Variants in CLEC1A observed in about 807,000 individuals in gnomAD.
CLEC1A encodes the protein C-type lectin-like receptor-1.
A neutral mutation model predicts 28.7 loss-of-function variants in CLEC1A; 34 were observed. That is an observed-to-expected ratio of 1.18 (90% CI 0.90 to 1.57). The LOEUF is 1.57. Ranked by LOEUF, CLEC1A falls within the 40% of genes most tolerant of loss-of-function variation. The pLI is 0.00. For missense variants in CLEC1A, 385 were observed against 339.5 expected, an observed-to-expected ratio of 1.13 and a Z score of -1.05; for synonymous variants, 116 against 121.0, an observed-to-expected ratio of 0.96 and a Z score of 0.27.
intron 3 of CLEC1A, among the ~76,000 whole-genome samples, chr12:10,079,201 G>C (rs1866315083): frequency 6.6e-6 from 1 of 152,158 alleles, no homozygotes; most frequent in African/African-American, 2.4e-5. Flanking sequence ...ATATGCATCA[G>C]TAGGCATTCA....
chr12:10,086,416 T>C lies in CLEC1A; in HGVS notation c.214+2708A>G, dbSNP rs1339006185. Among the ~76,000 whole-genome samples the C allele has an allele frequency of 8.1e-5, 12 of 148,838 alleles. No individual in the cohort carries two copies. In the East Asian group the frequency reaches 2.3e-3, roughly 29 times the overall value. ...GATAAATGAAATAAAAAACTGGTTA[T>C]TTGAAAAGATAAATAAAATCAATAG... On this transcript the variant is annotated intron_variant, in intron 2 of 5. Coordinates refer to ENST00000315330, the MANE Select transcript of CLEC1A (RefSeq NM_016511.4).
At chr12:10,095,562 AAG>A (rs1285849496) in intron 1 of CLEC1A, among the ~76,000 whole-genome samples, 3 of 152,220 alleles carry the variant, frequency 2.0e-5, no homozygotes, top group Non-Finnish European at 4.4e-5. Context: ...GAGAAAGAAA[AAG>A]AGAAAATGAC....
At chr12:10,075,440 T>TAAAA in intron 4 of CLEC1A, 64 bp downstream of exon 4, 4 of 1,542,690 alleles carry the variant, frequency 2.6e-6, no homozygotes, top group Admixed American at 1.8e-5. Flanking sequence ...AGAGTCTTCT[T>TAAAA]GCCTAATGCT....
At chr12:10,075,701 C>G in intron 3 of CLEC1A, 46 bp from the exon 4 acceptor site, 1 of 1,563,632 alleles carries the variant, frequency 6.4e-7, no homozygotes, top group South Asian at 1.2e-5. Context: ...ATGAGTCTGT[C>G]TTGCTCCTCT....
In CLEC1A at chr12:10,081,363, T is replaced by C; in HGVS notation, c.265A>G (p.Met89Val). Residue 89 changes from methionine (M) to valine (V), a missense_variant, in exon 3 of 6, where the codon ATG becomes GTG. Coordinates refer to ENST00000315330, the MANE Select transcript of CLEC1A (RefSeq NM_016511.4). ...SNTGQDTISQMEERLGNTSQE... is the reference protein window; with the variant it reads ...SNTGQDTISQVEERLGNTSQE... ...GACGTATTTCCTAATCTTTCTTCCA[T>C]TTGAGAAATGGTGTCTTGACCAGTA... The C allele has an allele frequency of 1.9e-6, 3 of 1,613,160 alleles. No homozygotes were observed. Among genetic ancestry groups the C allele is most frequent in the South Asian group, 1.1e-5 (1 of 90,914 alleles).
chr12:10,089,662 G>A (rs1866572497), intron 1 of CLEC1A, among the ~76,000 whole-genome samples: 1 of 151,856 alleles, frequency 6.6e-6, no homozygotes, highest in South Asian at 2.1e-4. Flanking sequence ...TGTTACTTTT[G>A]AAAAACATCC....
chr12:10,074,236 C>T (rs1285004311), intron 4 of CLEC1A, among the ~76,000 whole-genome samples: 5 of 151,988 alleles, frequency 3.3e-5, no homozygotes, highest in East Asian at 1.9e-4. Flanking sequence ...TTCTCAAGGC[C>T]GTACACTTTG....
intron 3 of CLEC1A, among the ~76,000 whole-genome samples, chr12:10,076,788 A>G (rs1398578135): frequency 6.6e-6 from 1 of 152,220 alleles, no homozygotes; most frequent in Non-Finnish European, 1.5e-5. Context: ...CGTTTCAACT[A>G]TGGTCCCTGT....
intron 1 of CLEC1A, chr12:10,092,405 G>C: frequency 2.6e-6 from 1 of 379,436 alleles, no homozygotes; most frequent in South Asian, 1.9e-5. Flanking sequence ...AAATTCATCA[G>C]CCATGGTGGC....
chr12:10,089,270 G>T, intron 1 of CLEC1A, 48 bp from the exon 2 acceptor site: 3 of 1,482,382 alleles, frequency 2.0e-6, no homozygotes, highest in South Asian at 1.1e-5. Context: ...TCTTCCTCTT[G>T]CATCTAAGTC....
intron 1 of CLEC1A, among the ~76,000 whole-genome samples, chr12:10,093,282 C>T (rs1472056557): frequency 2.7e-5 from 4 of 149,814 alleles, no homozygotes; most frequent in African/African-American, 7.4e-5. Flanking sequence ...GGAAGAGAAC[C>T]CCTTTGCTGT....
intron 4 of CLEC1A, 75 bp from the exon 5 acceptor site, chr12:10,073,486 C>T: frequency 1.9e-6 from 2 of 1,053,162 alleles, no homozygotes; most frequent in Non-Finnish European, 2.9e-6. Flanking sequence ...CATGGGCCAG[C>T]CAGCACTTTT....
chr12:10,075,457 G>A, intron 4 of CLEC1A, 47 bp downstream of exon 4: 2 of 1,592,996 alleles, frequency 1.3e-6, no homozygotes, highest in Non-Finnish European at 1.7e-6. Context: ...TGCTTTTAAG[G>A]CCTCTTTTTG....
chr12:10,087,522 GTTT>G (rs1265898724), intron 2 of CLEC1A, among the ~76,000 whole-genome samples: 2 of 37,608 alleles, frequency 5.3e-5, no homozygotes, highest in Non-Finnish European at 1.3e-4. Flanking sequence ...ATATATATTT[GTTT>G]TTTTTTTTTT....
chr12:10,076,727 A>G (rs16910052), intron 3 of CLEC1A, among the ~76,000 whole-genome samples: 4,452 of 152,292 alleles, frequency 0.029, 204 homozygotes, highest in African/African-American at 0.1. Flanking sequence ...CGTAAAAAAC[A>G]GAGTCCAGTT....
intron 1 of CLEC1A, among the ~76,000 whole-genome samples, chr12:10,090,816 C>CT (rs146209481): frequency 0.096 from 6,250 of 65,180 alleles, 138 homozygotes; most frequent in Non-Finnish European, 0.14. Context: ...CAGATTGCTC[C>CT]TTTTTTTAAA....
At chr12:10,090,072 TGCA>T (rs1221371954) in intron 1 of CLEC1A, among the ~76,000 whole-genome samples, 1 of 152,180 alleles carries the variant, frequency 6.6e-6, no homozygotes, top group Non-Finnish European at 1.5e-5. Flanking sequence ...CTCAGTCAGG[TGCA>T]GGTAGCATCT....
chr12:10,085,536 T>TAAAAAAAAAAAAAAAAAAAGAAAAAAAAA (rs1866473815), intron 2 of CLEC1A, among the ~76,000 whole-genome samples: 1 of 128,748 alleles, frequency 7.8e-6, no homozygotes, highest in African/African-American at 2.8e-5. Context: ...GCAAAAACAG[T>TAAAAAAAAAAAAAAAAAAAGAAAAAAAAA]AAAAAAAAAA....
rs779048525 is a variant in CLEC1A at position 10,071,344 on chromosome 12, C to A, written c.832G>T (p.Glu278Ter). The A allele has an allele frequency of 2.5e-6, 4 of 1,613,288 alleles. No homozygotes were observed. In the East Asian group the frequency reaches 8.9e-5, roughly 36 times the overall value. ...TTGCAGAGGGCGAATCAGTCACCTTCGCCTAATGTTTCAGGGGGGACATGG... is the reference window on the plus strand; with the variant it reads ...TTGCAGAGGGCGAATCAGTCACCTTAGCCTAATGTTTCAGGGGGGACATGG... ...SLHVPPETLG[E>*]GD Residue 278 changes from glutamate (E) to a stop codon, truncating the protein, a stop_gained, in exon 6 of 6, where the codon GAA becomes TAA. Coordinates refer to ENST00000315330, the MANE Select transcript of CLEC1A (RefSeq NM_016511.4). LOFTEE classifies it high-confidence loss of function.
Sources: allele counts gnomAD v4.1 joint callset (sites outside exome capture counted in the v4.1 genomes callset), GRCh38; gene constraint gnomAD v4.1.1; transcripts MANE v1.5; gene names NCBI Gene and HGNC (gene_info 2026-07-23, HGNC 2026-07-21).